The following ELMO1 variants were observed in gnomAD, a reference collection of about 807,000 sequenced individuals.
ELMO1 encodes engulfment and cell motility 1.
Under a neutral mutation model 98.9 loss-of-function variants are expected in ELMO1, and 26 were observed. The observed-to-expected ratio is 0.26, with a 90% CI of 0.19 to 0.36. The LOEUF is 0.36. Ranked by LOEUF, ELMO1 falls within the 10% of genes least tolerant of loss-of-function variation. The pLI is 1.00. For missense variants in ELMO1, 627 were observed against 935.2 expected, an observed-to-expected ratio of 0.67 and a Z score of 4.30; for synonymous variants, 346 against 346.0, an observed-to-expected ratio of 1.00 and a Z score of 0.00.
At chr7:37,404,758 T>C (rs561129264) in intron 1 of ELMO1, among the ~76,000 whole-genome samples, 6 of 152,228 alleles carry the variant, frequency 3.9e-5, no homozygotes, top group Non-Finnish European at 8.8e-5. Context: ...TTTTTTTCCA[T>C]AGTTTTCTTT....
intron 1 of ELMO1, among the ~76,000 whole-genome samples, chr7:37,387,196 C>G (rs1183974004): frequency 6.6e-6 from 1 of 152,222 alleles, no homozygotes; most frequent in Non-Finnish European, 1.5e-5. Flanking sequence ...GTCTGAGGTA[C>G]TAAACTCAAC....
At chr7:37,058,857 C>T (rs1562973606) in intron 15 of ELMO1, among the ~76,000 whole-genome samples, 2 of 152,166 alleles carry the variant, frequency 1.3e-5, no homozygotes, top group Admixed American at 1.3e-4. Flanking sequence ...GTGATATCAT[C>T]CATACCCAAA....
chr7:37,032,296 C>A (rs1794926982), intron 15 of ELMO1, among the ~76,000 whole-genome samples: 1 of 152,122 alleles, frequency 6.6e-6, no homozygotes, highest in South Asian at 2.1e-4. Flanking sequence ...CAGGGGGCAG[C>A]CTGAGAATTG....
In ELMO1 at chr7:37,082,466, G is replaced by T. The variant is rs150342833; in HGVS notation, c.1300+14153C>A. Among the ~76,000 whole-genome samples, 241 of 152,300 alleles carry T rather than the reference G, an allele frequency of 1.6e-3. 1 individual carries two copies. Among genetic ancestry groups the T allele is most frequent in the African/African-American group, 5.7e-3 (235 of 41,554 alleles). ...TGTCTGTAATCCCAGCACTTTGGGA[G>T]GCCAGAGCAGTCAGCTTGCTCGAGT... On this transcript the variant is annotated intron_variant, in intron 15 of 21. Transcript: ENST00000310758.
At chr7:37,105,842 A>G (rs1750611710) in intron 14 of ELMO1, among the ~76,000 whole-genome samples, 1 of 152,214 alleles carries the variant, frequency 6.6e-6, no homozygotes, top group African/African-American at 2.4e-5. Flanking sequence ...TAGAGAGAGA[A>G]GGCAGAATGG....
At chr7:37,168,336 T>C (rs1311862200) in intron 13 of ELMO1, among the ~76,000 whole-genome samples, 2 of 152,222 alleles carry the variant, frequency 1.3e-5, no homozygotes, top group East Asian at 1.9e-4. Context: ...TCTCTGAACT[T>C]GTCAAAGTCA....
At chr7:36,891,367 T>C (rs923194636) in intron 17 of ELMO1, among the ~76,000 whole-genome samples, 3 of 152,214 alleles carry the variant, frequency 2.0e-5, no homozygotes, top group African/African-American at 7.2e-5. Context: ...CCCCCTTGCA[T>C]TGGTTATGAG....
At chr7:37,082,718 C>CACAA (rs1783536238) in intron 15 of ELMO1, among the ~76,000 whole-genome samples, 1 of 142,678 alleles carries the variant, frequency 7.0e-6, no homozygotes, top group Non-Finnish European at 1.5e-5. Context: ...GTGACCCTGT[C>CACAA]TCAAACAAAC....
intron 1 of ELMO1, among the ~76,000 whole-genome samples, chr7:37,417,796 G>A (rs1048015844): frequency 6.6e-6 from 1 of 151,972 alleles, no homozygotes; most frequent in Non-Finnish European, 1.5e-5. Flanking sequence ...GAGTCGAGAC[G>A]GCACCATTGC....
At chr7:36,867,606 T>A (rs6942397) in intron 20 of ELMO1, among the ~76,000 whole-genome samples, 11,816 of 152,144 alleles carry the variant, frequency 0.078, 639 homozygotes, top group Middle Eastern at 0.14. Context: ...CTTTATTGAT[T>A]TTCGTTCTTT....
intron 1 of ELMO1, among the ~76,000 whole-genome samples, chr7:37,428,158 C>A (rs1170396221): frequency 6.6e-6 from 1 of 151,978 alleles, no homozygotes; most frequent in Non-Finnish European, 1.5e-5. Context: ...ACCTCATCCT[C>A]TTAGGATACA....
At chr7:37,256,741 GGAAGGGAAGGGAAGGGAAGGGA>G (rs904691029) in intron 6 of ELMO1, among the ~76,000 whole-genome samples, 5 of 118,174 alleles carry the variant, frequency 4.2e-5, no homozygotes, top group Admixed American at 8.7e-5. Context: ...GGAAGGGAAG[GGAAGGGAAGGGAAGGGAAGGGA>G]GAAGGGAGGA....
At chr7:37,266,874 A>T (rs1196025745) in intron 5 of ELMO1, among the ~76,000 whole-genome samples, 2 of 152,144 alleles carry the variant, frequency 1.3e-5, no homozygotes, top group Non-Finnish European at 2.9e-5. Context: ...TTAGCCGGGC[A>T]TGATGGCGTA....
chr7:37,342,471 A>G lies in ELMO1; in HGVS notation c.78+142T>C, dbSNP rs537226618. 1.6e-5 allele frequency: 13 copies of G among 831,976 alleles called. No individual in the cohort carries two copies. The South Asian group carries it at 1.9e-4, about 12-fold the overall frequency. 51.5% of individuals were successfully genotyped at this position (831,976 alleles called of 1,614,324 possible). A position where few individuals can be genotyped will look rare whatever the true frequency, so the allele number is the denominator to read the frequency against. ...ATCACTGTATGTGCTACAGAAATCAAGCACATTGCAACTATTATTGCACAG... is the reference window on the plus strand; with the variant it reads ...ATCACTGTATGTGCTACAGAAATCAGGCACATTGCAACTATTATTGCACAG... On this transcript the variant is annotated intron_variant, in intron 2 of 21. Coordinates refer to ENST00000310758, the MANE Select transcript of ELMO1 (RefSeq NM_014800.11). The surrounding 1 kb of genome is among the most constrained non-coding windows in gnomAD (Gnocchi z 4.3).
chr7:36,987,893 G>A (rs548511533), intron 16 of ELMO1, among the ~76,000 whole-genome samples: 45 of 152,216 alleles, frequency 3.0e-4, no homozygotes, highest in African/African-American at 1.0e-3. Flanking sequence ...GAGTAGCTGA[G>A]ATTACAGGCA....
chr7:37,044,049 G>GAAAA (rs905639444), intron 15 of ELMO1, among the ~76,000 whole-genome samples: 14 of 152,144 alleles, frequency 9.2e-5, no homozygotes, highest in African/African-American at 3.4e-4. Context: ...ATTTATAAGG[G>GAAAA]AAAAGCTCTA....
intron 9 of ELMO1, among the ~76,000 whole-genome samples, chr7:37,223,026 A>ATGTATGTATGTGTATG: frequency 6.6e-6 from 1 of 152,174 alleles, no homozygotes; most frequent in Non-Finnish European, 1.5e-5. Flanking sequence ...GTATGTCTGT[A>ATGTATGTATGTGTATG]TGTATGTATG....
chr7:37,285,710 T>A (rs908512413), intron 4 of ELMO1, among the ~76,000 whole-genome samples: 2 of 152,158 alleles, frequency 1.3e-5, no homozygotes, highest in African/African-American at 2.4e-5. Flanking sequence ...ATGCCTAATA[T>A]TATGGGTATT....
At chr7:37,035,589 C>A (rs1795132179) in intron 15 of ELMO1, among the ~76,000 whole-genome samples, 1 of 152,180 alleles carries the variant, frequency 6.6e-6, no homozygotes, top group Admixed American at 6.5e-5. Context: ...CAGCTGCAGA[C>A]CTCAATATTT....
Sources: allele counts gnomAD v4.1 joint callset (sites outside exome capture counted in the v4.1 genomes callset), GRCh38; gene constraint gnomAD v4.1.1; non-coding constraint Gnocchi (gnomAD v3.1); transcripts MANE v1.5; gene names NCBI Gene and HGNC (gene_info 2026-07-23, HGNC 2026-07-21).